MECOM: variants seen among roughly 807,000 people sequenced by gnomAD.
The protein encoded by MECOM is MDS1 and EVI1 complex locus, also known as histone-lysine N-methyltransferase MECOM.
In MECOM, 13 loss-of-function variants were observed where a neutral mutation model predicts 116.3. The ratio of observed to expected loss-of-function variants is 0.11; its 90% confidence interval spans 0.07 to 0.18. The LOEUF is 0.18. Ranked by LOEUF, MECOM falls within the 10% of genes least tolerant of loss-of-function variation. The pLI, the probability that MECOM is intolerant of heterozygous loss-of-function variation, is 1.00. For missense variants in MECOM, 1,299 were observed against 1,509.0 expected (o/e 0.86, Z 2.31); for synonymous variants, 528 against 535.2 (o/e 0.99, Z 0.19).
chr3:169,384,590 T>TC (rs1732990655), intron 1 of MECOM, among the ~76,000 whole-genome samples: 1 of 152,166 alleles, frequency 6.6e-6, no homozygotes, highest in Admixed American at 6.5e-5. Flanking sequence ...AAGCGATTTC[T>TC]CCCCCATTGT....
At chr3:169,351,310 CAA>C (rs1422577861) in intron 2 of MECOM, among the ~76,000 whole-genome samples, 2 of 151,600 alleles carry the variant, frequency 1.3e-5, no homozygotes, top group East Asian at 3.9e-4. Context: ...AAGGAAAAAT[CAA>C]AGTTTTGTCT....
chr3:169,168,337 C>CTTT (rs1166736467), intron 2 of MECOM, among the ~76,000 whole-genome samples: 3 of 108,456 alleles, frequency 2.8e-5, no homozygotes, highest in Non-Finnish European at 3.9e-5. Flanking sequence ...ACTTGGCCTG[C>CTTT]TTTTTTTTTT....
intron 1 of MECOM, among the ~76,000 whole-genome samples, chr3:169,620,785 G>A (rs770635147): frequency 6.6e-6 from 1 of 152,226 alleles, no homozygotes; most frequent in Admixed American, 6.5e-5. Context: ...GCCAGAGCTA[G>A]CGATAGGTAC....
intron 2 of MECOM, among the ~76,000 whole-genome samples, chr3:169,226,533 C>T (rs772522977): frequency 2.2e-4 from 34 of 152,172 alleles, no homozygotes; most frequent in African/African-American, 2.9e-4. Context: ...TTACTATGGG[C>T]GAAGGAAGTA....
intron 2 of MECOM, among the ~76,000 whole-genome samples, chr3:169,223,554 G>T (rs1489686074): frequency 6.6e-6 from 1 of 151,884 alleles, no homozygotes; most frequent in Admixed American, 6.6e-5. Flanking sequence ...TAAAAAATGT[G>T]ATAGGTTATA....
chr3:169,336,880 G>A (rs1432932929), intron 2 of MECOM, among the ~76,000 whole-genome samples: 1 of 152,086 alleles, frequency 6.6e-6, no homozygotes, highest in Admixed American at 6.6e-5. Flanking sequence ...ATCCATAAAA[G>A]GCTTGATGAA....
At chr3:169,401,311 C>T (rs1233116345) in intron 1 of MECOM, among the ~76,000 whole-genome samples, 1 of 152,164 alleles carries the variant, frequency 6.6e-6, no homozygotes. Context: ...ACCTGAAATT[C>T]TCCCACCCCC....
intron 14 of MECOM, 92 bp from the exon 15 acceptor site, chr3:169,090,328 A>G: frequency 8.6e-7 from 1 of 1,158,222 alleles, no homozygotes; most frequent in Non-Finnish European, 1.2e-6. Context: ...ACAACAGTTT[A>G]GATTTTCAAC....
At chr3:169,538,998 A>G (rs530571597) in intron 1 of MECOM, among the ~76,000 whole-genome samples, 35 of 152,026 alleles carry the variant, frequency 2.3e-4, no homozygotes, top group African/African-American at 7.7e-4. Flanking sequence ...CAGAATTTGC[A>G]TTTTCACTGA....
chr3:169,647,380 G>A (rs1774317966), intron 1 of MECOM, among the ~76,000 whole-genome samples: 1 of 152,186 alleles, frequency 6.6e-6, no homozygotes, highest in African/African-American at 2.4e-5. Context: ...TATTGTTGCT[G>A]TTATAAATTA....
rs150883626 is a variant in MECOM, at chr3:169,102,165, G to C, written c.2666C>G (p.Ala889Gly). ...LESFSALKPE[A>G]SELLQSVPSM... ...GGGCACTGACTGTAAGAGCTCACTG[G>C]CCTCAGGTTTCAGGGCACTGAAGCT... Residue 889 changes from alanine (A) to glycine (G), a missense_variant, in exon 11 of 17, where the codon GCC (alanine) becomes GGC (glycine). This residue lies in a region of MECOM where 340 missense variants were observed against 312.6 expected (regional missense o/e 1.09). Transcript: ENST00000651503. 41 of 1,613,866 alleles carry C rather than the reference G, an allele frequency of 2.5e-5. No homozygotes were observed. In the African/African-American group the frequency reaches 4.4e-4, roughly 17 times the overall value.
intron 2 of MECOM, among the ~76,000 whole-genome samples, chr3:169,267,431 G>A (rs1422702572): frequency 6.6e-6 from 1 of 152,154 alleles, no homozygotes; most frequent in Non-Finnish European, 1.5e-5. Context: ...GAGTTGGGCT[G>A]GATGATCCTA....
chr3:169,176,717 A>G (rs575748667), intron 2 of MECOM, among the ~76,000 whole-genome samples: 1 of 152,302 alleles, frequency 6.6e-6, no homozygotes, highest in African/African-American at 2.4e-5. Flanking sequence ...CAATCCACCC[A>G]TCTAACAAAG....
At chr3:169,616,118 G>C (rs1004256244) in intron 1 of MECOM, among the ~76,000 whole-genome samples, 42 of 152,310 alleles carry the variant, frequency 2.8e-4, no homozygotes, top group African/African-American at 9.6e-4. Flanking sequence ...TCCCCCAGGA[G>C]CATCTCCTAC....
At chr3:169,428,608 G>A (rs1019138387) in intron 1 of MECOM, among the ~76,000 whole-genome samples, 4 of 152,152 alleles carry the variant, frequency 2.6e-5, no homozygotes, top group African/African-American at 9.7e-5. Flanking sequence ...GACAGCCCTA[G>A]CAAATGAATA....
At chr3:169,257,640 C>T (rs1201488161) in intron 2 of MECOM, among the ~76,000 whole-genome samples, 1 of 152,174 alleles carries the variant, frequency 6.6e-6, no homozygotes, top group East Asian at 1.9e-4. Context: ...GCTATGGCAA[C>T]TCAGCCAAGG....
chr3:169,602,747 G>T (rs982984883), intron 1 of MECOM, among the ~76,000 whole-genome samples: 2 of 152,136 alleles, frequency 1.3e-5, no homozygotes, highest in Non-Finnish European at 2.9e-5. Flanking sequence ...AAATCTGAAG[G>T]CATAGGGAGT....
intron 1 of MECOM, among the ~76,000 whole-genome samples, chr3:169,541,668 C>G (rs1225622965): frequency 6.6e-6 from 1 of 152,182 alleles, no homozygotes; most frequent in Non-Finnish European, 1.5e-5. Context: ...GCCCTGGCTG[C>G]CATTCCGGAT....
At chr3:169,653,588 T>C (rs1775180475) in intron 1 of MECOM, among the ~76,000 whole-genome samples, 2 of 151,590 alleles carry the variant, frequency 1.3e-5, no homozygotes, top group African/African-American at 4.9e-5. Flanking sequence ...GGCCAAAATT[T>C]GGATGGTAGA....
Sources: allele counts gnomAD v4.1 joint callset (sites outside exome capture counted in the v4.1 genomes callset), GRCh38; gene constraint gnomAD v4.1.1; regional missense constraint gnomAD v4.1.1; transcripts MANE v1.5; gene names NCBI Gene and HGNC (gene_info 2026-07-23, HGNC 2026-07-21).